Variants in TOX observed in about 807,000 individuals in gnomAD.
TOX encodes the protein thymocyte selection associated high mobility group box.
Under a neutral mutation model 53.7 loss-of-function variants are expected in TOX, and 11 were observed. That is an observed-to-expected ratio of 0.20 (90% CI 0.13 to 0.34). TOX has a LOEUF of 0.34. TOX is among the 10% of genes least tolerant of loss of function. The probability of loss-of-function intolerance (pLI) is 1.00; values close to 1 mark genes in which losing one functional copy is unlikely to be tolerated. For synonymous variants in TOX, 225 were observed against 245.3 expected (o/e 0.92, Z 0.77); for missense variants, 570 against 664.6 (o/e 0.86, Z 1.56).
At chr8:59,061,053 C>A (rs914958335) in intron 1 of TOX, among the ~76,000 whole-genome samples, 8 of 152,088 alleles carry the variant, frequency 5.3e-5, no homozygotes, top group African/African-American at 1.9e-4. Flanking sequence ...TTTAGAGTTA[C>A]TGAGATATGA....
intron 1 of TOX, among the ~76,000 whole-genome samples, chr8:58,982,373 G>A (rs1009757582): frequency 5.3e-5 from 8 of 152,082 alleles, no homozygotes; most frequent in Non-Finnish European, 1.2e-4. Context: ...ATATCTTTTC[G>A]GGGAGGATTA....
At chr8:58,848,360 A>C (rs2129167887) in intron 4 of TOX, among the ~76,000 whole-genome samples, 1 of 151,884 alleles carries the variant, frequency 6.6e-6, no homozygotes, top group East Asian at 2.0e-4. Flanking sequence ...AGAAAGTAAC[A>C]TACTTAGAAA....
chr8:58,937,620 T>TG (rs1249274953), intron 3 of TOX, among the ~76,000 whole-genome samples: 1 of 152,178 alleles, frequency 6.6e-6, no homozygotes, highest in Non-Finnish European at 1.5e-5. Flanking sequence ...GATGTAGAAA[T>TG]GCTAAGGAGG....
At chr8:58,846,905 A>G (rs899027255) in intron 4 of TOX, among the ~76,000 whole-genome samples, 8 of 152,260 alleles carry the variant, frequency 5.3e-5, no homozygotes, top group African/African-American at 1.9e-4. Flanking sequence ...GACCTCCCAG[A>G]ACATGCAAGA....
Position 59,118,348 on chromosome 8 carries a change from CAA to C in TOX, c.102+536_102+537del, listed in dbSNP as rs570489869. On this transcript the variant is annotated intron_variant, in intron 1 of 8. Coordinates refer to ENST00000361421, the MANE Select transcript of TOX (RefSeq NM_014729.3). This position sits in a 1 kb window ranked among gnomAD's most constrained non-coding sequence, Gnocchi z 4.1. ...GGCTGCCGGAACCGGTTTGAGAAAA[CAA>C]AAGAGTTGTGGGGCAGTTTTCCCTG... Among the ~76,000 whole-genome samples, 425 of 152,304 alleles carry C rather than the reference CAA, an allele frequency of 2.8e-3. 2 individuals carry two copies. The highest frequency in any genetic ancestry group is 0.014 in the Middle Eastern group (4 of 294).
At chr8:58,941,295 T>C (rs1812435331) in intron 2 of TOX, among the ~76,000 whole-genome samples, 1 of 152,202 alleles carries the variant, frequency 6.6e-6, no homozygotes, top group Non-Finnish European at 1.5e-5. Flanking sequence ...ATTAAAGCAC[T>C]GTACCAAGGT....
chr8:59,088,038 A>G (rs1156955591), intron 1 of TOX, among the ~76,000 whole-genome samples: 1 of 152,196 alleles, frequency 6.6e-6, no homozygotes, highest in Non-Finnish European at 1.5e-5. Flanking sequence ...AAATATAAAC[A>G]AAAATTTAAT....
At chr8:59,042,600 T>C (rs1053176827) in intron 1 of TOX, among the ~76,000 whole-genome samples, 3 of 152,200 alleles carry the variant, frequency 2.0e-5, no homozygotes, top group African/African-American at 7.2e-5. Flanking sequence ...TCCATACACC[T>C]AGTTCTTATA....
chr8:58,808,493 C>T (rs1810025490), intron 7 of TOX, among the ~76,000 whole-genome samples: 1 of 152,154 alleles, frequency 6.6e-6, no homozygotes, highest in Non-Finnish European at 1.5e-5. Flanking sequence ...AGTCAGAAAA[C>T]CTTTAATTAT....
chr8:59,055,213 G>A (rs371920728), intron 1 of TOX, among the ~76,000 whole-genome samples: 1 of 152,142 alleles, frequency 6.6e-6, no homozygotes, highest in Middle Eastern at 3.2e-3. Flanking sequence ...GCTCCGATCA[G>A]CTGCAAACAG....
chr8:58,911,049 T>C (rs961668307), intron 3 of TOX, among the ~76,000 whole-genome samples: 4 of 152,142 alleles, frequency 2.6e-5, no homozygotes, highest in Admixed American at 6.5e-5. Context: ...AGTTCTCTCT[T>C]TTTTTTTCCT....
At chr8:58,856,011 G>A (rs1810908964) in intron 3 of TOX, among the ~76,000 whole-genome samples, 1 of 152,176 alleles carries the variant, frequency 6.6e-6, no homozygotes, top group African/African-American at 2.4e-5. Context: ...AGGGAGCCAT[G>A]TAGGAATAGC....
intron 2 of TOX, among the ~76,000 whole-genome samples, chr8:58,948,071 C>T (rs1031794395): frequency 2.0e-5 from 3 of 152,124 alleles, no homozygotes; most frequent in African/African-American, 7.2e-5. Context: ...TGTGCAAAGC[C>T]GGAGTGACAC....
chr8:59,032,638 G>A (rs1245698749), intron 1 of TOX, among the ~76,000 whole-genome samples: 1 of 152,146 alleles, frequency 6.6e-6, no homozygotes, highest in Admixed American at 6.6e-5. Flanking sequence ...TGTGTTAGGT[G>A]CTTCAATTAC....
intron 3 of TOX, among the ~76,000 whole-genome samples, chr8:58,899,210 C>T (rs1465016093): frequency 6.6e-6 from 1 of 152,196 alleles, no homozygotes; most frequent in East Asian, 1.9e-4. Flanking sequence ...CTATACTTTC[C>T]CGCTTTCTAC....
At chr8:59,103,614 C>A (rs910569517) in intron 1 of TOX, among the ~76,000 whole-genome samples, 20 of 152,136 alleles carry the variant, frequency 1.3e-4, no homozygotes, top group African/African-American at 4.6e-4. Context: ...CGTCTAGCCC[C>A]CTGAGATATA....
intron 3 of TOX, among the ~76,000 whole-genome samples, chr8:58,859,711 G>A (rs1321277184): frequency 2.0e-5 from 3 of 152,174 alleles, no homozygotes; most frequent in African/African-American, 7.2e-5. Flanking sequence ...TTTACACTGT[G>A]GTCTCTCCAT....
chr8:58,907,685 A>T (rs2129173432), intron 3 of TOX, among the ~76,000 whole-genome samples: 1 of 152,284 alleles, frequency 6.6e-6, no homozygotes, highest in African/African-American at 2.4e-5. Flanking sequence ...TCAGAGGCAG[A>T]ATTGGACCCC....
At chr8:58,875,365 T>C (rs1330137961) in intron 3 of TOX, among the ~76,000 whole-genome samples, 1 of 152,174 alleles carries the variant, frequency 6.6e-6, no homozygotes, top group African/African-American at 2.4e-5. Context: ...TTAAAGGTAT[T>C]ACATGTATTG....
Sources: allele counts gnomAD v4.1 joint callset (sites outside exome capture counted in the v4.1 genomes callset), GRCh38; gene constraint gnomAD v4.1.1; non-coding constraint Gnocchi (gnomAD v3.1); transcripts MANE v1.5; gene names NCBI Gene and HGNC (gene_info 2026-07-23, HGNC 2026-07-21).